CELA3B: variants seen among roughly 807,000 people sequenced by gnomAD.
CELA3B encodes the protein chymotrypsin like elastase 3B, also known as chymotrypsin-like elastase family member 3B.
Under a neutral mutation model 37.2 loss-of-function variants are expected in CELA3B, and 34 were observed. The ratio of observed to expected loss-of-function variants is 0.91; its 90% CI spans 0.70 to 1.22. CELA3B has a LOEUF of 1.22. Ranked by LOEUF, CELA3B falls within the 50% of genes most tolerant of loss-of-function variation. The pLI is 0.00. For missense variants in CELA3B, 340 were observed against 363.1 expected (o/e 0.94, Z 0.52); for synonymous variants, 127 against 143.5 (o/e 0.89, Z 0.82).
chr1:21,996,369 A>C (rs1644890300), intron 4 of CELA3B, among the ~76,000 whole-genome samples: 1 of 151,084 alleles, frequency 6.6e-6, no homozygotes, highest in Admixed American at 6.6e-5. Flanking sequence ...CTCCAAAACA[A>C]AGATAGCCAT....
intron 4 of CELA3B, among the ~76,000 whole-genome samples, chr1:21,995,000 CAAAAA>C (rs61509449): frequency 1.9e-5 from 1 of 54,014 alleles, no homozygotes; most frequent in African/African-American, 7.4e-5. Context: ...AGACTTGTCT[CAAAAA>C]AAAAAAAAAA....
At chr1:21,995,031 A>T (rs1193417748) in intron 4 of CELA3B, among the ~76,000 whole-genome samples, 1 of 144,774 alleles carries the variant, frequency 6.9e-6, no homozygotes. Flanking sequence ...AAAAATCCTA[A>T]TTGTTTCACT....
chr1:21,985,806 G>A (rs1260979675), intron 6 of CELA3B, among the ~76,000 whole-genome samples: 1 of 151,946 alleles, frequency 6.6e-6, no homozygotes, highest in African/African-American at 2.4e-5. Flanking sequence ...CAGGAGAATG[G>A]TGTGAACCTG....
chr1:21,983,136 G>A (rs912241176), intron 4 of CELA3B, among the ~76,000 whole-genome samples: 4 of 152,110 alleles, frequency 2.6e-5, no homozygotes, highest in African/African-American at 9.7e-5. Context: ...TATCAGCTAA[G>A]GTCAGGAGTT....
chr1:21,986,473 A>T, intron 6 of CELA3B, 58 bp from the exon 7 acceptor site: 1 of 1,598,098 alleles, frequency 6.3e-7, no homozygotes, highest in Non-Finnish European at 8.5e-7. Flanking sequence ...AGAATTCAGA[A>T]CCAGTTCCAT....
At chr1:21,998,483 G>A (rs537321731) in exon 5 of CELA3B, 23 of 223,456 alleles carry the variant, frequency 1.0e-4, no homozygotes, top group South Asian at 5.6e-4. Context: ...ATGCTGCTGC[G>A]CTTTTCCAGG....
intron 4 of CELA3B, among the ~76,000 whole-genome samples, chr1:21,995,839 G>C (rs1644888066): frequency 6.8e-6 from 1 of 146,734 alleles, no homozygotes; most frequent in African/African-American, 2.6e-5. Flanking sequence ...ACGAGCAAAG[G>C]TTCTGTTCCC....
intron 4 of CELA3B, among the ~76,000 whole-genome samples, chr1:21,994,380 A>G (rs1463130404): frequency 1.3e-5 from 2 of 150,940 alleles, no homozygotes; most frequent in African/African-American, 2.5e-5. Flanking sequence ...TCCAGCTACC[A>G]GCATCTCCTC....
intron 7 of CELA3B, among the ~76,000 whole-genome samples, chr1:21,988,144 G>A (rs1466380866): frequency 7.9e-5 from 12 of 151,458 alleles, no homozygotes; most frequent in African/African-American, 1.7e-4. Flanking sequence ...TCTGGGAGGC[G>A]GAGGTTGCAG....
chr1:21,979,732 G>A (rs1644793844), intron 2 of CELA3B, among the ~76,000 whole-genome samples: 1 of 151,216 alleles, frequency 6.6e-6, no homozygotes, highest in Non-Finnish European at 1.5e-5. Flanking sequence ...GGGATTATAG[G>A]CGTGAGCCAC....
intron 4 of CELA3B, among the ~76,000 whole-genome samples, chr1:21,997,445 T>G (rs1289205881): frequency 6.7e-6 from 1 of 150,196 alleles, no homozygotes; most frequent in South Asian, 2.1e-4. Flanking sequence ...TCCCACACTT[T>G]GGGAGGCCAA....
chr1:21,985,155 C>G (rs1162539351), intron 6 of CELA3B, among the ~76,000 whole-genome samples: 1 of 151,956 alleles, frequency 6.6e-6, no homozygotes, highest in Non-Finnish European at 1.5e-5. Context: ...TGGTGGCACT[C>G]GCCTGTAGTC....
At chr1:21,981,857 C>A (rs1202197599) in intron 4 of CELA3B, among the ~76,000 whole-genome samples, 1 of 151,972 alleles carries the variant, frequency 6.6e-6, no homozygotes, top group Non-Finnish European at 1.5e-5. Context: ...TCCCGAGTAG[C>A]TGGGACTACA....
chr1:21,991,439 A>G (rs12025662), downstream of CELA3B, among the ~76,000 whole-genome samples: 138,797 of 147,050 alleles, frequency 0.94, 66,024 homozygotes, highest in Non-Finnish European at 0.99. Flanking sequence ...GGGTTCAAGC[A>G]ATTCTCCTGC....
In CELA3B at chr1:21,980,666, A is replaced by G. The variant is rs531868039; in HGVS notation, c.130-158A>G. Among the ~76,000 whole-genome samples, 4 of 147,584 alleles carry G rather than the reference A, an allele frequency of 2.7e-5. 1 individual carries two copies. The South Asian group carries it at 9.2e-4, about 34-fold the overall frequency. ...ATAGGGCCACCACGGGCAGCTGCCC[A>G]GGTCGCAGGTTGTATGCTGCATATT... is the stretch of plus-strand genomic sequence containing the variant. On this transcript the variant is annotated intron_variant, in intron 2 of 7. Transcript: ENST00000337107.
chr1:21,988,434 TA>T (rs1473697487), intron 7 of CELA3B, among the ~76,000 whole-genome samples: 2 of 148,484 alleles, frequency 1.3e-5, no homozygotes, highest in East Asian at 2.0e-4. Flanking sequence ...TACAAAAATA[TA>T]AAAAAATTGG....
At chr1:21,986,313 T>C (rs1224359447) in intron 6 of CELA3B, among the ~76,000 whole-genome samples, 1 of 151,358 alleles carries the variant, frequency 6.6e-6, no homozygotes, top group South Asian at 2.1e-4. Context: ...GAGACGGAGG[T>C]TGCAATGAGC....
Position 21,981,075 on chromosome 1 carries a change from G to C in CELA3B, c.265G>C (p.Asp89His), listed in dbSNP as rs369079072. The C allele has an allele frequency of 1.5e-5, 25 of 1,613,890 alleles. No individual in the cohort carries two copies. The highest frequency in any genetic ancestry group is 3.4e-4 in the Middle Eastern group (2 of 5,962). Residue 89 changes from aspartate (D) to histidine (H), a missense_variant, in exon 4 of 8, where the codon GAC becomes CAC. Asp to His is a moderately conservative substitution (Grantham distance 81, BLOSUM62 -1). Coordinates refer to ENST00000337107, the MANE Select transcript of CELA3B (RefSeq NM_007352.4). ...CTACCAGGTGGTGTTGGGCGAGTAC[G>C]ACCGTGCTGTGAAGGAGGGCCCCGA... is the stretch of plus-strand genomic sequence containing the variant. Reference protein sequence around the residue: ...RTYQVVLGEYDRAVKEGPEQV... With the variant: ...RTYQVVLGEYHRAVKEGPEQV...
chr1:21,987,060 G>A (rs1365421782), intron 7 of CELA3B: 1 of 372,486 alleles, frequency 2.7e-6, no homozygotes, highest in East Asian at 7.3e-5. Flanking sequence ...CCGAGAGAGG[G>A]GAGTCCAGGC....
Sources: allele counts gnomAD v4.1 joint callset (sites outside exome capture counted in the v4.1 genomes callset), GRCh38; gene constraint gnomAD v4.1.1; transcripts MANE v1.5; gene names NCBI Gene and HGNC (gene_info 2026-07-23, HGNC 2026-07-21).